Variants in MZT2B observed in about 807,000 individuals in gnomAD.
MZT2B encodes mitotic-spindle organizing protein 2B.
MZT2B carries 11 observed loss-of-function variants against 12.1 expected under a neutral mutation model. That is an observed-to-expected ratio of 0.91 (90% CI 0.57 to 1.50). MZT2B has a LOEUF of 1.50. Among genes scored for constraint, MZT2B ranks in the 40% most tolerant of loss-of-function variants. The pLI is 0.00. For synonymous variants in MZT2B, 85 were observed against 109.5 expected (o/e 0.78, Z 1.40); for missense variants, 209 against 227.7 (o/e 0.92, Z 0.53).
chr2:130,182,086 C>G (rs980628084), upstream of MZT2B: 24 of 1,349,218 alleles, frequency 1.8e-5, no homozygotes, highest in African/African-American at 2.7e-4. Flanking sequence ...GCTCCTAGAG[C>G]GCCGCTCAGC....
At chr2:130,192,177 GA>G, downstream of MZT2B, 1 of 1,553,166 alleles carries the variant, frequency 6.4e-7, no homozygotes, top group East Asian at 2.3e-5. Context: ...ATCAAACCTA[GA>G]AATGGTAGCT....
chr2:130,182,162 T>C (rs184959654), upstream of MZT2B: 12 of 1,257,728 alleles, frequency 9.5e-6, no homozygotes, highest in Non-Finnish European at 1.0e-5. Context: ...GTCCCCGCGC[T>C]CCCGCCCCTC....
rs572075097 is a variant in MZT2B, at chr2:130,187,144, AT to A, written c.320-3321del. Among the ~76,000 whole-genome samples the A allele has an allele frequency of 2.6e-4, 32 of 124,112 alleles. No individual in the cohort carries two copies. The South Asian group carries it at 8.4e-3, about 33-fold the overall frequency. The allele number at this position is 124,112 out of a possible 152,430, so 81.4% of individuals were successfully genotyped here. A position where few individuals can be genotyped will look rare whatever the true frequency, so the allele number is the denominator to read the frequency against. ...TACGTATTGAAATAATACGTTGGAT[AT>A]TTTAGATTAAAGTATTTGAGCTAAT... On this transcript the variant is annotated intron_variant, in intron 2 of 2. Transcript: ENST00000281871.
At chr2:130,184,718 A>G (rs1016750604) in intron 2 of MZT2B, 4 of 985,240 alleles carry the variant, frequency 4.1e-6, no homozygotes, top group Middle Eastern at 1.0e-3. Flanking sequence ...CAGGAGGGAG[A>G]AACTGGGAAC....
At chr2:130,187,307 CCTCTT>C (rs755574903) in intron 2 of MZT2B, among the ~76,000 whole-genome samples, 18 of 152,166 alleles carry the variant, frequency 1.2e-4, no homozygotes, top group Non-Finnish European at 2.4e-4. Context: ...CCTCCCACCT[CCTCTT>C]GAGTAGCTGG....
chr2:130,195,334 A>C (rs1690378673), downstream of MZT2B: 6 of 1,465,858 alleles, frequency 4.1e-6, no homozygotes, highest in South Asian at 7.0e-5. Context: ...TTCAAAGTAC[A>C]TGACCTACAT....
At chr2:130,181,912 C>G (rs550486650), upstream of MZT2B, 493 of 1,487,110 alleles carry the variant, frequency 3.3e-4, no homozygotes, top group African/African-American at 6.5e-3. Context: ...CCGGTGCGGA[C>G]CAGAAAATTG....
At chr2:130,192,267 C>T (rs1179064194), downstream of MZT2B, 1 of 1,292,630 alleles carries the variant, frequency 7.7e-7, no homozygotes, top group Non-Finnish European at 1.0e-6. Context: ...CTAAGCCCTT[C>T]TCTGCACCAG....
chr2:130,196,741 C>T, the MZT2B span, among the ~76,000 whole-genome samples: 1 of 152,180 alleles, frequency 6.6e-6, no homozygotes, highest in African/African-American at 2.4e-5. Flanking sequence ...ATAAGGTAGT[C>T]GGGTTGGGTA....
chr2:130,193,711 A>T, downstream of MZT2B: 2 of 1,540,666 alleles, frequency 1.3e-6, no homozygotes, highest in Non-Finnish European at 1.8e-6. Context: ...TCCCCAAAGG[A>T]TGTGGGCCTT....
intron 2 of MZT2B, among the ~76,000 whole-genome samples, chr2:130,188,607 G>T (rs1690148358): frequency 6.6e-6 from 1 of 152,160 alleles, no homozygotes; most frequent in Non-Finnish European, 1.5e-5. Flanking sequence ...GTTGAGTCAA[G>T]TGTGACAAGC....
upstream of MZT2B, chr2:130,181,802 T>C (rs1391912497): frequency 6.5e-7 from 1 of 1,546,062 alleles, no homozygotes; most frequent in Non-Finnish European, 8.7e-7. Context: ...CCCAAGGTAC[T>C]TTCTCCCCAG....
chr2:130,198,734 C>T, the MZT2B span, among the ~76,000 whole-genome samples: 1 of 123,522 alleles, frequency 8.1e-6, no homozygotes, highest in African/African-American at 2.9e-5. Context: ...TGCCACTGCC[C>T]CTCCCTGATT....
At chr2:130,193,925 T>C (rs1192456891), downstream of MZT2B, 24 of 1,614,092 alleles carry the variant, frequency 1.5e-5, no homozygotes, top group Non-Finnish European at 2.0e-5. Context: ...ATGGCGAGGG[T>C]CACACTTGAC....
rs183840316 is a variant in MZT2B at position 130,186,793 on chromosome 2, C to G, written c.320-3676C>G. On this transcript the variant is annotated intron_variant, in intron 2 of 2. Transcript: ENST00000281871. ...TGGTGGCACACATCTGTAGTTCCAG[C>G]TACTTGGGAGGCTGAGGTTGGAGGA... is the stretch of plus-strand genomic sequence containing the variant. Among the ~76,000 whole-genome samples, 8 of 152,184 alleles carry G rather than the reference C, an allele frequency of 5.3e-5. No individual in the cohort carries two copies. In the East Asian group the frequency reaches 1.5e-3, roughly 29 times the overall value.
intron 2 of MZT2B, chr2:130,184,683 G>C: frequency 2.0e-6 from 2 of 985,432 alleles, no homozygotes; most frequent in Non-Finnish European, 2.4e-6. Context: ...AGGCTGAGAT[G>C]AGCAATTGAG....
At chr2:130,194,971 C>G (rs1690368535), downstream of MZT2B, 25 of 1,550,368 alleles carry the variant, frequency 1.6e-5, no homozygotes, top group Non-Finnish European at 2.2e-5. Flanking sequence ...AGCCACCGCG[C>G]CCGGCCAAGA....
the MZT2B span, among the ~76,000 whole-genome samples, chr2:130,201,102 G>A: frequency 1.2e-4 from 19 of 152,228 alleles, no homozygotes; most frequent in African/African-American, 3.9e-4. Context: ...TGGGACTCAC[G>A]AGGTCCAGGA....
chr2:130,192,834 G>A (rs865865034), downstream of MZT2B, among the ~76,000 whole-genome samples: 3 of 152,216 alleles, frequency 2.0e-5, no homozygotes, highest in African/African-American at 7.2e-5. Context: ...GGTGGCTCAA[G>A]CCTGTGACCC....
Sources: allele counts gnomAD v4.1 joint callset (sites outside exome capture counted in the v4.1 genomes callset), GRCh38; gene constraint gnomAD v4.1.1; transcripts MANE v1.5; gene names NCBI Gene and HGNC (gene_info 2026-07-23, HGNC 2026-07-21).